Variants in KRT5 observed in about 807,000 individuals in gnomAD.
KRT5 encodes keratin 5.
KRT5 carries 17 observed loss-of-function variants against 44.0 expected under a neutral mutation model. The observed-to-expected ratio is 0.39, with a 90% CI of 0.26 to 0.58. The LOEUF (loss-of-function observed/expected upper bound fraction) is 0.58, where lower values mean the gene tolerates loss of function less well. Among genes scored for constraint, KRT5 ranks in the 20% least tolerant of loss-of-function variants. The probability of loss-of-function intolerance (pLI) is 0.61; values close to 1 mark genes in which losing one functional copy is unlikely to be tolerated. For missense variants in KRT5, 737 were observed against 785.5 expected (o/e 0.94, Z 0.74); for synonymous variants, 329 against 312.8 (o/e 1.05, Z -0.55).
At position 52,519,053 on chromosome 12, in the gene KRT5, C is replaced by T. The variant is rs371682500; in HGVS notation, c.663G>A (p.Gln221=). The change falls in exon 2 of 9, where the codon CAG becomes CAA. Residue 221 remains glutamine (Q), a synonymous_variant. Transcript: ENST00000252242. ...VRQNLEPLFE[Q]YINNLRRQLD... is the part of the protein sequence containing the mutation. ...GCTGCCTCCTGAGGTTGTTGATGTA[C>T]TGCTCGAACAACGGCTCCAGGTTCT... 2.5e-5 allele frequency: 40 copies of T among 1,614,116 alleles called. No homozygotes were observed. The highest frequency in any genetic ancestry group is 3.2e-5 in the Non-Finnish European group (38 of 1,180,052).
intron 7 of KRT5, chr12:52,516,358 C>T (rs907979741): frequency 2.5e-5 from 12 of 475,622 alleles, no homozygotes; most frequent in African/African-American, 3.9e-5. Flanking sequence ...GAGCAAAGGA[C>T]GTGAGCAAAA....
At position 52,520,185 on chromosome 12, in the gene KRT5, A is replaced by C. The variant is rs541279700; in HGVS notation, c.112T>G (p.Ser38Ala). The change falls in exon 1 of 9, where the codon TCC (serine) becomes GCC (alanine). Residue 38 changes from serine to alanine, a missense_variant. By Grantham distance (99) the Ser-to-Ala change is moderately conservative. Transcript: ENST00000252242. Reference sequence around the variant, plus strand: ...AAGCCACCACCACCGCCACCCCCGGACCGGGACACGGAGGTGAAGCTGGTG... The same window carrying C: ...AAGCCACCACCACCGCCACCCCCGGCCCGGGACACGGAGGTGAAGCTGGTG... ...SRTSFTSVSR[S>A]GGGGGGGFGR... 4.6e-5 allele frequency: 75 copies of C among 1,613,982 alleles called. No individual in the cohort carries two copies. The Admixed American group carries it at 6.5e-4, about 14-fold the overall frequency.
Position 52,517,886 on chromosome 12 carries a change from AAGTTTC to A in KRT5, c.927+5_927+10del. On this transcript the variant is annotated splice_donor_5th_base_variant and intron_variant, in intron 4 of 8. Coordinates refer to ENST00000252242, the MANE Select transcript of KRT5 (RefSeq NM_000424.4). ...ACCCACCCATGTGAAAAATTTAGATAAGTTTCTTACCGCATCAAAGAACATCTTCAT... is the reference window on the plus strand; with the variant it reads ...ACCCACCCATGTGAAAAATTTAGATATTACCGCATCAAAGAACATCTTCAT... 6.2e-7 allele frequency: 1 copy of A among 1,613,458 alleles called. No homozygotes were observed. The highest frequency in any genetic ancestry group is 8.5e-7 in the Non-Finnish European group (1 of 1,179,314).
At position 52,518,976 on chromosome 12, in the gene KRT5, A is replaced by T; in HGVS notation, c.740T>A (p.Met247Lys). The T allele has an allele frequency of 3.7e-6, 6 of 1,614,150 alleles. No individual in the cohort carries two copies. Among genetic ancestry groups the T allele is most frequent in the Non-Finnish European group, 4.2e-6 (5 of 1,180,030 alleles). ...RGRLDSELRN[M>K]QDLVEDFKNK... ...CTTGAAGTCTTCCACCAGGTCCTGC[A>T]TGTTTCTCAGCTCTGAGTCCAGGCG... is the stretch of plus-strand genomic sequence containing the variant. The change falls in exon 2 of 9, where the codon ATG (methionine) becomes AAG (lysine). Residue 247 changes from methionine (M) to lysine (K), a missense_variant. Coordinates refer to ENST00000252242, the MANE Select transcript of KRT5 (RefSeq NM_000424.4).
chr12:52,516,746 G>C lies in KRT5; in HGVS notation c.1330C>G (p.Gln444Glu). Residue 444 changes from glutamine to glutamate, a missense_variant, in exon 7 of 9, where the codon CAG (glutamine) becomes GAG (glutamate). Transcript: ENST00000252242. ...TCACGCAGCAGCCGGGCCATGTCCT[G>C]CTTGGCCTTCTGCAGGGCCTCCTCC... is the stretch of plus-strand genomic sequence containing the variant. ...ELEEALQKAK[Q>E]DMARLLREYQ... 5 of 1,614,198 alleles carry C rather than the reference G, an allele frequency of 3.1e-6. No homozygotes were observed. Among genetic ancestry groups the C allele is most frequent in the Non-Finnish European group, 3.4e-6 (4 of 1,180,030 alleles).
At position 52,514,701 on chromosome 12, in the gene KRT5, G is replaced by A; in HGVS notation, c.*241C>T. ...GGGAAAACTTTGGGTTCTCGTGTCAGCAGGGGCCATGCTGTGGGAAACCTG... is the reference window on the plus strand; with the variant it reads ...GGGAAAACTTTGGGTTCTCGTGTCAACAGGGGCCATGCTGTGGGAAACCTG... On this transcript the variant is annotated 3_prime_UTR_variant, in exon 9 of 9. Coordinates refer to ENST00000252242, the MANE Select transcript of KRT5 (RefSeq NM_000424.4). 2 of 534,246 alleles carry A rather than the reference G, an allele frequency of 3.7e-6. No homozygotes were observed. The highest frequency in any genetic ancestry group is 3.0e-5 in the East Asian group (1 of 33,898). 33.1% of individuals were successfully genotyped at this position (534,246 alleles called of 1,614,324 possible). A position where few individuals can be genotyped will look rare whatever the true frequency, so the allele number is the denominator to read the frequency against.
Position 52,517,969 on chromosome 12 carries a change from G to T in KRT5, c.855C>A (p.Asn285Lys). 1 of 1,614,086 alleles carries T rather than the reference G, an allele frequency of 6.2e-7. No homozygotes were observed. Among genetic ancestry groups the T allele is most frequent in the South Asian group, 1.1e-5 (1 of 91,080 alleles). The stretch of plus-strand genomic sequence containing the variant: ...CAACCTTGGCCTCCAGCTCCACCTT[G>T]TTCATGTAGGCAGCATCTACATCCT... The part of the protein sequence containing the change: ...LKKDVDAAYM[N>K]KVELEAKVDA... The change falls in exon 4 of 9, where the codon AAC becomes AAA. Residue 285 changes from asparagine (N) to lysine (K), a missense_variant. Around this residue, in one of 5 missense-constraint regions of KRT5, gnomAD observed 59 missense variants for 62.5 expected, o/e 0.94. Coordinates refer to ENST00000252242, the MANE Select transcript of KRT5 (RefSeq NM_000424.4).
At chr12:52,518,343 T>G in intron 2 of KRT5, 180 bp from the exon 3 acceptor site, 1 of 699,714 alleles carries the variant, frequency 1.4e-6, no homozygotes, top group Non-Finnish European at 2.6e-6. Context: ...ATTTAAATAC[T>G]GCTTTCTCTG....
At position 52,519,001 on chromosome 12, in the gene KRT5, G is replaced by A. The variant is rs757766724; in HGVS notation, c.715C>T (p.Arg239Cys). 67 of 1,613,980 alleles carry A rather than the reference G, an allele frequency of 4.2e-5. No individual in the cohort carries two copies. The highest frequency in any genetic ancestry group is 4.8e-5 in the Non-Finnish European group (57 of 1,180,042). The change falls in exon 2 of 9, where the codon CGC (arginine) becomes TGC (cysteine). Residue 239 changes from arginine to cysteine, a missense_variant. Physicochemically the swap from Arg to Cys is radical, Grantham distance 180. Coordinates refer to ENST00000252242, the MANE Select transcript of KRT5 (RefSeq NM_000424.4). ...QLDSIVGERGRLDSELRNMQD... is the reference protein window; with the variant it reads ...QLDSIVGERGCLDSELRNMQD... ...ATGTTTCTCAGCTCTGAGTCCAGGC[G>A]GCCCCGTTCCCCCACGATGCTGTCC...
At chr12:52,518,543 G>T (rs1938654918) in intron 2 of KRT5, 4 of 543,180 alleles carry the variant, frequency 7.4e-6, no homozygotes, top group Non-Finnish European at 3.5e-6. Context: ...CATCCTAGTT[G>T]CTGGTTCATA....
chr12:52,519,479 T>C (rs2120487996), intron 1 of KRT5: 3 of 620,582 alleles, frequency 4.8e-6, no homozygotes, highest in South Asian at 1.9e-5. Context: ...CCTTTATATA[T>C]GGCATGAAAT....
At chr12:52,516,310 G>C (rs1375137340) in intron 7 of KRT5, 17 of 417,170 alleles carry the variant, frequency 4.1e-5, no homozygotes, top group Non-Finnish European at 7.6e-5. Flanking sequence ...TGGAGGACAA[G>C]GGTGGATGGA....
In KRT5 at chr12:52,514,911, C is replaced by T; in HGVS notation, c.*31G>A. 2 of 1,590,628 alleles carry T rather than the reference C, an allele frequency of 1.3e-6. No individual in the cohort carries two copies. The highest frequency in any genetic ancestry group is 1.1e-5 in the South Asian group (1 of 90,544). On this transcript the variant is annotated 3_prime_UTR_variant, in exon 9 of 9. Coordinates refer to ENST00000252242, the MANE Select transcript of KRT5 (RefSeq NM_000424.4). The stretch of plus-strand genomic sequence containing the variant: ...GCAATCTCCATGGGCTGGGTTGCTG[C>T]ACTTGGAAGGCAGTGACTTGCAGCA...
At chr12:52,519,707 C>T (rs1938677866) in intron 1 of KRT5, 35 bp downstream of exon 1, 1 of 1,590,262 alleles carries the variant, frequency 6.3e-7, no homozygotes, top group Non-Finnish European at 8.6e-7. Context: ...TTATTTCAGA[C>T]CCACAGTGAT....
chr12:52,516,966 A>C (rs1015218060), intron 6 of KRT5, 109 bp from the exon 7 acceptor site: 1 of 1,509,158 alleles, frequency 6.6e-7, no homozygotes, highest in Admixed American at 1.7e-5. Flanking sequence ...AGAAACCAGT[A>C]CATCGTGGGT....
chr12:52,516,322 G>A, intron 7 of KRT5: 1 of 427,764 alleles, frequency 2.3e-6, no homozygotes, highest in East Asian at 5.1e-5. Context: ...GTGGATGGAG[G>A]TGGGCATGAC....
At position 52,519,739 on chromosome 12, in the gene KRT5, C is replaced by T. The variant is rs763631335; in HGVS notation, c.555+3G>A. 14 of 1,613,398 alleles carry T rather than the reference C, an allele frequency of 8.7e-6. No individual in the cohort carries two copies. The highest frequency in any genetic ancestry group is 5.0e-5 in the Admixed American group (3 of 60,020). On this transcript the variant is annotated splice_donor_region_variant and intron_variant, in intron 1 of 8. Transcript: ENST00000252242. Reference sequence around the variant, plus strand: ...TGATTTTTTACAAAAGATCGTAGCTCACCTTGTCGATGAAGGAGGCAAACT... The same window carrying T: ...TGATTTTTTACAAAAGATCGTAGCTTACCTTGTCGATGAAGGAGGCAAACT...
At chr12:52,515,426 T>TGCTAGGTACTGAGAGGA in intron 8 of KRT5, 186 bp from the exon 9 acceptor site, 1 of 763,652 alleles carries the variant, frequency 1.3e-6, no homozygotes. Context: ...AGAGGCAAGG[T>TGCTAGGTACTGAGAGGA]GCTAGGTACT....
rs1565592997 is a variant in KRT5 at position 52,517,219 on chromosome 12, T to C, written c.1106A>G (p.Gln369Arg). The change falls in exon 6 of 9, where the codon CAG (glutamine) becomes CGG (arginine). Residue 369 changes from glutamine to arginine, a missense_variant. Transcript: ENST00000252242. ...SWYQTKYEEL[Q>R]QTAGRHGDDL... ...ATCGCCATGCCGGCCAGCTGTCTGC[T>C]GCAGCTCCTCATACTGATGCAGCCA... The C allele has an allele frequency of 6.2e-7, 1 of 1,614,136 alleles. No homozygotes were observed. The highest frequency in any genetic ancestry group is 8.5e-7 in the Non-Finnish European group (1 of 1,180,004).
Sources: allele counts gnomAD v4.1 joint callset, GRCh38; gene constraint gnomAD v4.1.1; regional missense constraint gnomAD v4.1.1; transcripts MANE v1.5; gene names NCBI Gene and HGNC (gene_info 2026-07-23, HGNC 2026-07-21).